The following ZNF433 variants were observed in gnomAD, a reference collection of about 807,000 sequenced individuals.
The protein encoded by ZNF433 is zinc finger protein 433.
In ZNF433, 12 loss-of-function variants were observed where a neutral mutation model predicts 10.6. The ratio of observed to expected loss-of-function variants is 1.13; its 90% CI spans 0.72 to 1.83. The LOEUF is 1.83. ZNF433 is among the 40% of genes most tolerant of loss of function. The pLI is 0.00. For synonymous variants in ZNF433, 272 were observed against 271.3 expected, an observed-to-expected ratio of 1.00 and a Z score of -0.02; for missense variants, 737 against 798.0, an observed-to-expected ratio of 0.92 and a Z score of 0.92.
In ZNF433 at chr19:12,016,274, T is replaced by C. The variant is rs763391485; in HGVS notation, c.584A>G (p.Tyr195Cys). The C allele has an allele frequency of 1.2e-5, 19 of 1,614,108 alleles. No individual in the cohort carries two copies. The highest frequency in any genetic ancestry group is 6.6e-5 in the South Asian group (6 of 91,090). ...GGCTTTCCCACAAAATTTACACTTA[T>C]AAGGTCCATCTCCACGGTGCATTAT... is the stretch of plus-strand genomic sequence containing the variant. ...HRIMHRGDGP[Y>C]KCKFCGKALM... The change falls in exon 4 of 4, where the codon TAT becomes TGT. Residue 195 changes from tyrosine to cysteine, a missense_variant. Coordinates refer to ENST00000550507, the MANE Select transcript of ZNF433 (RefSeq NM_001308348.2).
intron 1 of ZNF433, chr19:12,021,986 C>A: frequency 2.2e-6 from 1 of 456,644 alleles, no homozygotes; most frequent in South Asian, 1.5e-5. Context: ...TCAACCGTCA[C>A]GCTGTGATAG....
chr19:12,030,513 C>T (rs1974966393), intron 1 of ZNF433, among the ~76,000 whole-genome samples: 1 of 152,138 alleles, frequency 6.6e-6, no homozygotes, highest in Non-Finnish European at 1.5e-5. Flanking sequence ...AGCCACCATG[C>T]CCGGCCTAGA....
At chr19:12,017,995 A>C in intron 2 of ZNF433, 59 bp from the exon 3 acceptor site, 1 of 1,364,512 alleles carries the variant, frequency 7.3e-7, no homozygotes, top group East Asian at 2.5e-5. Flanking sequence ...AAAAAATTAC[A>C]TGATTCTATG....
chr19:12,025,402 C>T (rs1974686967), intron 1 of ZNF433: 1 of 152,216 alleles, frequency 6.6e-6, no homozygotes, highest in South Asian at 2.1e-4. Flanking sequence ...GGACCTTTAA[C>T]TGAAGGGAAT....
chr19:12,015,227 G>A lies in ZNF433; in HGVS notation c.1631C>T (p.Ser544Leu), dbSNP rs1341419908. 1.2e-6 allele frequency: 2 copies of A among 1,613,466 alleles called. No homozygotes were observed. The highest frequency in any genetic ancestry group is 1.3e-5 in the African/African-American group (1 of 74,726). ...AGTCCTTCCATGAATTTGAAGCTGT[G>A]AGGCAGATCTGAAGGCTTTTCCACA... Reference protein sequence around the residue: ...KQCGKAFRSASQLQIHGRTHT... With the variant: ...KQCGKAFRSALQLQIHGRTHT... Residue 544 changes from serine (S) to leucine (L), a missense_variant, in exon 4 of 4, where the codon TCA becomes TTA. Ser to Leu is a moderately radical substitution (Grantham distance 145, BLOSUM62 -2). Transcript: ENST00000550507.
At chr19:12,023,400 C>T (rs1017738093) in intron 1 of ZNF433, 2 of 152,090 alleles carry the variant, frequency 1.3e-5, no homozygotes, top group East Asian at 3.9e-4. Context: ...ACTTCTGTTC[C>T]CTGGAAAGCA....
Position 12,019,250 on chromosome 19 carries a change from G to A in ZNF433, c.4-958C>T, listed in dbSNP as rs140759186. 2.4e-3 allele frequency among the ~76,000 whole-genome samples: 370 copies of A among 151,510 alleles called. 5 individuals are homozygous for A. Among genetic ancestry groups the A allele is most frequent in the African/African-American group, 8.3e-3 (344 of 41,238 alleles). ...AGCCTGGCCAACATGGTGAAACACC[G>A]TCTCTACTAAAAATACAAAAATAAG... On this transcript the variant is annotated intron_variant, in intron 1 of 3. Transcript: ENST00000550507.
chr19:12,025,407 G>A (rs1207649249), intron 1 of ZNF433: 2 of 152,194 alleles, frequency 1.3e-5, no homozygotes, highest in African/African-American at 4.8e-5. Context: ...TTTAACTGAA[G>A]GGAATCAAAT....
chr19:12,022,240 T>A, intron 1 of ZNF433: 1 of 323,030 alleles, frequency 3.1e-6, no homozygotes, highest in Non-Finnish European at 6.4e-6. Flanking sequence ...GACGTGTTCC[T>A]GCTGCAGATA....
At chr19:12,029,662 T>C (rs1974911811) in intron 1 of ZNF433, among the ~76,000 whole-genome samples, 1 of 151,828 alleles carries the variant, frequency 6.6e-6, no homozygotes, top group Admixed American at 6.6e-5. Context: ...GGAATTAAGA[T>C]GGCATCTCTG....
At chr19:12,017,961 A>G in intron 2 of ZNF433, 25 bp from the exon 3 acceptor site, 1 of 1,508,416 alleles carries the variant, frequency 6.6e-7, no homozygotes, top group Non-Finnish European at 9.0e-7. Flanking sequence ...AAGGAAAATA[A>G]TCTTGAATTA....
At chr19:12,030,257 C>T (rs1024965509) in intron 1 of ZNF433, 11 of 409,864 alleles carry the variant, frequency 2.7e-5, no homozygotes, top group African/African-American at 6.4e-5. Flanking sequence ...GGAGTCTCAC[C>T]GTCACCAGGA....
At chr19:12,017,744 G>T in intron 3 of ZNF433, 132 bp downstream of exon 3, 1 of 671,836 alleles carries the variant, frequency 1.5e-6, no homozygotes, top group Non-Finnish European at 2.5e-6. Flanking sequence ...TATGTGTTTA[G>T]AGAAAATTTT....
At chr19:12,017,734 T>C in intron 3 of ZNF433, 142 bp downstream of exon 3, 1 of 634,510 alleles carries the variant, frequency 1.6e-6, no homozygotes, top group South Asian at 1.9e-5. Flanking sequence ...CACACTTCAA[T>C]ATGTGTTTAG....
At chr19:12,019,630 T>C (rs1877384623) in intron 1 of ZNF433, among the ~76,000 whole-genome samples, 1 of 152,196 alleles carries the variant, frequency 6.6e-6, no homozygotes, top group African/African-American at 2.4e-5. Context: ...GAAGACATAT[T>C]TGAAAACCAC....
intron 1 of ZNF433, among the ~76,000 whole-genome samples, chr19:12,027,633 A>G (rs1974804076): frequency 6.6e-6 from 1 of 152,254 alleles, no homozygotes; most frequent in Non-Finnish European, 1.5e-5. Context: ...TATAATCTAC[A>G]GAAACAATGC....
At chr19:12,020,935 A>C in intron 1 of ZNF433, among the ~76,000 whole-genome samples, 1 of 148,188 alleles carries the variant, frequency 6.7e-6, no homozygotes. Context: ...AAAAAACAGC[A>C]CTAAGCTACA....
chr19:12,024,456 A>G (rs1310474294), intron 1 of ZNF433: 2 of 152,282 alleles, frequency 1.3e-5, no homozygotes, highest in Non-Finnish European at 2.9e-5. Flanking sequence ...ACAATTTGCC[A>G]GACTTATCAA....
intron 1 of ZNF433, among the ~76,000 whole-genome samples, chr19:12,032,327 A>G (rs1337534510): frequency 1.3e-5 from 2 of 152,174 alleles, no homozygotes; most frequent in African/African-American, 4.8e-5. Flanking sequence ...TTAAAATAGT[A>G]AACTTTCCCT....
Sources: allele counts gnomAD v4.1 joint callset (sites outside exome capture counted in the v4.1 genomes callset), GRCh38; gene constraint gnomAD v4.1.1; transcripts MANE v1.5; gene names NCBI Gene and HGNC (gene_info 2026-07-23, HGNC 2026-07-21).